CD99L2: variants seen among roughly 807,000 people sequenced by gnomAD.
CD99L2 encodes the protein CD99 antigen-like protein 2.
A neutral mutation model predicts 27.3 loss-of-function variants in CD99L2; 24 were observed. That is an observed-to-expected ratio of 0.88 (90% confidence interval 0.64 to 1.24). The LOEUF (loss-of-function observed/expected upper bound fraction) is 1.24, where lower values mean the gene tolerates loss of function less well. CD99L2 is among the 50% of genes most tolerant of loss of function. CD99L2 has a pLI of 0.00. For synonymous variants in CD99L2, 97 were observed against 87.9 expected (o/e 1.10, Z -0.58); for missense variants, 255 against 221.6 (o/e 1.15, Z -0.96).
rs1557418854 is a variant in CD99L2, at chrX:150,769,102, C to G, written c.722-1G>C. ...TGCGTGTGCAACGTGGAGTATTTCACTAGGGGAAAAAGAGGCCGTCAGAAG... is the reference window on the plus strand; with the variant it reads ...TGCGTGTGCAACGTGGAGTATTTCAGTAGGGGAAAAAGAGGCCGTCAGAAG... On this transcript the variant is annotated splice_acceptor_variant, in intron 10 of 10. Coordinates refer to ENST00000370377, the MANE Select transcript of CD99L2 (RefSeq NM_031462.4). LOFTEE classifies it high-confidence loss of function. 1.7e-6 allele frequency: 2 copies of G among 1,162,976 alleles called. No homozygotes were observed. Among genetic ancestry groups the G allele is most frequent in the East Asian group, 3.3e-5 (1 of 29,957 alleles).
At chrX:150,863,659 C>A (rs1033923765) in intron 1 of CD99L2, among the ~76,000 whole-genome samples, 2 of 112,205 alleles carry the variant, frequency 1.8e-5, no homozygotes, top group African/African-American at 6.5e-5. Flanking sequence ...TATCACTGTA[C>A]TGGGTTGAAT....
At chrX:150,882,341 T>G (rs2047343250) in intron 1 of CD99L2, among the ~76,000 whole-genome samples, 1 of 112,453 alleles carries the variant, frequency 8.9e-6, no homozygotes. Flanking sequence ...TAACTAGAAA[T>G]AATGTTCATC....
chrX:150,824,632 A>G (rs935118717), intron 2 of CD99L2, among the ~76,000 whole-genome samples: 1 of 92,704 alleles, frequency 1.1e-5, no homozygotes, highest in Non-Finnish European at 2.1e-5. Flanking sequence ...AAGGAGGAGA[A>G]GAAGGAGGAG....
chrX:150,808,570 A>G (rs1569565958), intron 4 of CD99L2, among the ~76,000 whole-genome samples: 1 of 112,029 alleles, frequency 8.9e-6, no homozygotes, highest in Non-Finnish European at 1.9e-5. Context: ...CAAGGTATAC[A>G]CCCTGCATAA....
chrX:150,871,345 A>G (rs1557422179), intron 1 of CD99L2, among the ~76,000 whole-genome samples: 3 of 111,729 alleles, frequency 2.7e-5, no homozygotes, highest in African/African-American at 9.8e-5. Flanking sequence ...CCTGGAAAAT[A>G]TCAGAAAAGC....
rs143571628 is a variant in CD99L2 at position 150,770,341 on chromosome X, T to C, written c.684A>G (p.Gly228=). ...CACATACCACGGCTTCCAGGTTCTC[T>C]CCCTTCACGTAGTCTGCGTTGAGAC... is the stretch of plus-strand genomic sequence containing the variant. ...QQGLNADYVK[G]ENLEAVVCEE... Residue 228 remains glycine (G), a synonymous_variant, in exon 10 of 11, where the codon GGA becomes GGG. Transcript: ENST00000370377. 3.3e-6 allele frequency: 4 copies of C among 1,210,274 alleles called. No individual in the cohort carries two copies. The African/African-American group carries it at 7.0e-5, about 21-fold the overall frequency.
intron 10 of CD99L2, among the ~76,000 whole-genome samples, chrX:150,769,572 C>T (rs2043377456): frequency 8.9e-6 from 1 of 112,476 alleles, no homozygotes; most frequent in African/African-American, 3.2e-5. Flanking sequence ...TCCCAGTACA[C>T]ACCACACAGG....
rs1347184157 is a variant in CD99L2, at chrX:150,768,548, C to G, written c.*486G>C. 8.5e-6 allele frequency: 1 copy of G among 117,398 alleles called. No individual in the cohort carries two copies. Among genetic ancestry groups the G allele is most frequent in the Non-Finnish European group, 1.8e-5 (1 of 57,053 alleles). 9.7% of individuals were successfully genotyped at this position (117,398 alleles called of 1,213,427 possible). A position where few individuals can be genotyped will look rare whatever the true frequency, so the allele number is the denominator to read the frequency against. The stretch of plus-strand genomic sequence containing the variant: ...GACCGGTTCGCTCCTTGCAGGGGCT[C>G]CAAGTGGGTGCAGGCTGAGCCCCCC... On this transcript the variant is annotated 3_prime_UTR_variant, in exon 11 of 11. Coordinates refer to ENST00000370377, the MANE Select transcript of CD99L2 (RefSeq NM_031462.4).
chrX:150,776,085 C>T (rs1391756439), intron 9 of CD99L2, 89 bp downstream of exon 9: 37 of 1,105,164 alleles, frequency 3.3e-5, no homozygotes, highest in Non-Finnish European at 4.4e-5. Flanking sequence ...CTCAGGCAGG[C>T]TGTGGAGGGA....
chrX:150,871,074 T>C (rs1557422170), intron 1 of CD99L2, among the ~76,000 whole-genome samples: 1 of 112,631 alleles, frequency 8.9e-6, no homozygotes. Flanking sequence ...AATAACTTAT[T>C]CTTGGATGTG....
chrX:150,898,495 TC>T, intron 1 of CD99L2, 26 bp downstream of exon 1: 1 of 1,085,738 alleles, frequency 9.2e-7, no homozygotes, highest in Non-Finnish European at 1.2e-6. Flanking sequence ...CCCCGCGCGG[TC>T]CCCGCGCGCC....
At position 150,837,124 on chromosome X, in the gene CD99L2, C is replaced by T. The variant is rs191145288; in HGVS notation, c.68-5831G>A. On this transcript the variant is annotated intron_variant, in intron 1 of 10. Coordinates refer to ENST00000370377, the MANE Select transcript of CD99L2 (RefSeq NM_031462.4). ...TGAGCACATCTAGCACCCAGGTCTT[C>T]GTCTCTAATCCTACTCTCCAAAAAG... Among the ~76,000 whole-genome samples, 514 of 112,150 alleles carry T rather than the reference C, an allele frequency of 4.6e-3. 2 individuals carry two copies. Among genetic ancestry groups the T allele is most frequent in the Admixed American group, 7.1e-3 (75 of 10,575 alleles).
intron 1 of CD99L2, among the ~76,000 whole-genome samples, chrX:150,849,116 T>C (rs782810446): frequency 1.8e-5 from 2 of 111,672 alleles, no homozygotes; most frequent in Non-Finnish European, 3.8e-5. Flanking sequence ...CAAATATACC[T>C]AATGGCAGAC....
rs142535695 is a variant in CD99L2, at chrX:150,888,581, C to T, written c.67+9941G>A. On this transcript the variant is annotated intron_variant, in intron 1 of 10. Transcript: ENST00000370377. ...GTATTTAATGCCACTGAACTGTGTG[C>T]CTTAAAATGGTTAAAATGGTAAATG... is the stretch of plus-strand genomic sequence containing the variant. Among the ~76,000 whole-genome samples the T allele has an allele frequency of 5.1e-3, 576 of 112,154 alleles. 7 individuals carry two copies. Among genetic ancestry groups the T allele is most frequent in the Middle Eastern group, 0.014 (3 of 219 alleles).
chrX:150,858,370 T>C (rs2046925520), intron 1 of CD99L2, among the ~76,000 whole-genome samples: 2 of 112,674 alleles, frequency 1.8e-5, no homozygotes, highest in African/African-American at 3.2e-5. Flanking sequence ...ATGGACCTAA[T>C]AGACATTTAC....
At chrX:150,897,434 C>A (rs1603330742) in intron 1 of CD99L2, among the ~76,000 whole-genome samples, 1 of 112,370 alleles carries the variant, frequency 8.9e-6, no homozygotes, top group Admixed American at 9.4e-5. Flanking sequence ...ATTTCTGCAT[C>A]TTTTGCAAAA....
At chrX:150,867,695 C>T (rs1314539097) in intron 1 of CD99L2, among the ~76,000 whole-genome samples, 2 of 110,048 alleles carry the variant, frequency 1.8e-5, no homozygotes, top group African/African-American at 6.6e-5. Flanking sequence ...AGATCAAGAC[C>T]ATCCTGGCTA....
At chrX:150,885,692 C>T (rs782023717) in intron 1 of CD99L2, among the ~76,000 whole-genome samples, 3 of 111,626 alleles carry the variant, frequency 2.7e-5, no homozygotes, top group South Asian at 7.5e-4. Flanking sequence ...TTTAGTCTAC[C>T]GGAGGGTATA....
intron 7 of CD99L2, among the ~76,000 whole-genome samples, chrX:150,779,069 G>C (rs1557419382): frequency 8.9e-6 from 1 of 111,801 alleles, no homozygotes; most frequent in Non-Finnish European, 1.9e-5. Context: ...TTCACCTCAA[G>C]GCAGAAGGAA....
Sources: allele counts gnomAD v4.1 joint callset (sites outside exome capture counted in the v4.1 genomes callset), GRCh38; gene constraint gnomAD v4.1.1; transcripts MANE v1.5; gene names NCBI Gene and HGNC (gene_info 2026-07-23, HGNC 2026-07-21).